Variants in RPH3A observed in about 807,000 individuals in gnomAD.
RPH3A encodes the protein rabphilin 3A.
A neutral mutation model predicts 102.2 loss-of-function variants in RPH3A; 48 were observed. That is an observed-to-expected ratio of 0.47 (90% CI 0.37 to 0.60). The LOEUF is 0.60. Among genes scored for constraint, RPH3A ranks in the 20% least tolerant of loss-of-function variants. The pLI is 0.00. For missense variants in RPH3A, 781 were observed against 910.1 expected (o/e 0.86, Z 1.83); for synonymous variants, 310 against 324.3 (o/e 0.96, Z 0.47).
At chr12:112,632,684 G>T (rs1200443825) in intron 1 of RPH3A, among the ~76,000 whole-genome samples, 4 of 152,142 alleles carry the variant, frequency 2.6e-5, no homozygotes, top group Non-Finnish European at 5.9e-5. Context: ...CTCCTTCAGG[G>T]GACATGTGGC....
intron 1 of RPH3A, among the ~76,000 whole-genome samples, chr12:112,586,548 C>T (rs911363339): frequency 6.6e-6 from 1 of 151,986 alleles, no homozygotes; most frequent in African/African-American, 2.4e-5. Context: ...AAGAGTATTA[C>T]AAGAAGACCA....
At chr12:112,694,829 A>G (rs1037023481) in intron 1 of RPH3A, among the ~76,000 whole-genome samples, 4 of 152,326 alleles carry the variant, frequency 2.6e-5, no homozygotes, top group African/African-American at 9.6e-5. Flanking sequence ...GATAATGCCA[A>G]CCCATAGGGC....
At chr12:112,619,424 T>A (rs1158639091) in intron 1 of RPH3A, among the ~76,000 whole-genome samples, 1 of 152,056 alleles carries the variant, frequency 6.6e-6, no homozygotes, top group Non-Finnish European at 1.5e-5. Flanking sequence ...TAGCTGGGAT[T>A]ACAGGCATGC....
chr12:112,653,488 T>A (rs2039990795), intron 1 of RPH3A, among the ~76,000 whole-genome samples: 1 of 151,456 alleles, frequency 6.6e-6, no homozygotes, highest in Admixed American at 6.6e-5. Context: ...GAGTGAGTGG[T>A]GAGTGAATGC....
At chr12:112,836,016 G>T (rs1029502091) in intron 3 of RPH3A, among the ~76,000 whole-genome samples, 2 of 152,216 alleles carry the variant, frequency 1.3e-5, no homozygotes, top group Non-Finnish European at 2.9e-5. Context: ...GCTTTTGGTT[G>T]CTTGCCTCAT....
chr12:112,894,671 C>T lies in RPH3A; in HGVS notation c.1857+12C>T, dbSNP rs1310956723. ...CCGAATTCAATGAGGTAAGGCTGCC[C>T]TATTCTTTTTCATGCTCTGGGATAT... On this transcript the variant is annotated intron_variant, in intron 20 of 21. Coordinates refer to ENST00000389385, the MANE Select transcript of RPH3A (RefSeq NM_001143854.2). The T allele has an allele frequency of 6.2e-7, 1 of 1,611,240 alleles. No individual in the cohort carries two copies. Among genetic ancestry groups the T allele is most frequent in the East Asian group, 2.2e-5 (1 of 44,840 alleles).
chr12:112,600,589 T>G (rs1039982796), intron 1 of RPH3A, among the ~76,000 whole-genome samples: 1 of 152,252 alleles, frequency 6.6e-6, no homozygotes, highest in African/African-American at 2.4e-5. Flanking sequence ...CACCTTGGCC[T>G]GGACTTCATT....
intron 16 of RPH3A, among the ~76,000 whole-genome samples, chr12:112,887,568 C>T (rs2043022433): frequency 6.6e-6 from 1 of 152,142 alleles, no homozygotes; most frequent in African/African-American, 2.4e-5. Context: ...TATACAAATG[C>T]AAGGGTTCAT....
chr12:112,792,013 G>T lies in RPH3A; in HGVS notation c.-140+1G>T, dbSNP rs2041127825. On this transcript the variant is annotated splice_donor_variant, in intron 1 of 21. Coordinates refer to ENST00000389385, the MANE Select transcript of RPH3A (RefSeq NM_001143854.2). LOFTEE classifies it low-confidence loss of function (5UTR_SPLICE). ...CGAGTTTTCTCCGCTTCTGGCAGTGGTATTTCTTTTTGTCTTGGTCCTGCA... is the reference window on the plus strand; with the variant it reads ...CGAGTTTTCTCCGCTTCTGGCAGTGTTATTTCTTTTTGTCTTGGTCCTGCA... 6.6e-6 allele frequency: 1 copy of T among 152,296 alleles called. No homozygotes were observed. The highest frequency in any genetic ancestry group is 1.5e-5 in the Non-Finnish European group (1 of 68,106). 9.4% of individuals were successfully genotyped at this position (152,296 alleles called of 1,614,324 possible).
At chr12:112,886,061 T>G (rs1236928322) in intron 16 of RPH3A, among the ~76,000 whole-genome samples, 3 of 152,212 alleles carry the variant, frequency 2.0e-5, no homozygotes, top group African/African-American at 7.2e-5. Flanking sequence ...TTTTCTCCAG[T>G]GTTAGACAGT....
chr12:112,709,500 T>C (rs2040445573), intron 1 of RPH3A, among the ~76,000 whole-genome samples: 1 of 150,538 alleles, frequency 6.6e-6, no homozygotes, highest in Admixed American at 6.6e-5. Flanking sequence ...AAGTGAGCCA[T>C]GCTCACGCCA....
rs978915421 is a variant in RPH3A, at chr12:112,897,840, C to T, written c.*1060C>T. ...GCATCCCTCAAGCTGTGTAGATGCC[C>T]CATAGAGGACTCTCTCATCCGTGGG... On this transcript the variant is annotated 3_prime_UTR_variant, in exon 22 of 22. Coordinates refer to ENST00000389385, the MANE Select transcript of RPH3A (RefSeq NM_001143854.2). 2.0e-5 allele frequency: 3 copies of T among 151,688 alleles called. No individual in the cohort carries two copies. Among genetic ancestry groups the T allele is most frequent in the Non-Finnish European group, 4.4e-5 (3 of 67,912 alleles). 9.4% of individuals were successfully genotyped at this position (151,688 alleles called of 1,614,324 possible). A position where few individuals can be genotyped will look rare whatever the true frequency, so the allele number is the denominator to read the frequency against.
At chr12:112,805,853 A>G (rs542769669) in intron 2 of RPH3A, among the ~76,000 whole-genome samples, 90 of 152,340 alleles carry the variant, frequency 5.9e-4, no homozygotes, top group African/African-American at 1.9e-3. Flanking sequence ...ACCATCTACT[A>G]ACATGTAAAT....
intron 2 of RPH3A, among the ~76,000 whole-genome samples, chr12:112,824,031 A>G (rs1280221976): frequency 6.6e-6 from 1 of 152,206 alleles, no homozygotes; most frequent in South Asian, 2.1e-4. Context: ...CACAAGGTCA[A>G]GTTCCCTAGA....
intron 6 of RPH3A, 32 bp downstream of exon 6, chr12:112,865,575 T>C (rs766587724): frequency 1.9e-6 from 3 of 1,604,900 alleles, no homozygotes; most frequent in Non-Finnish European, 2.6e-6. Context: ...TTCTTCCCTG[T>C]GCAGCACCTG....
At chr12:112,716,882 C>T (rs2040516906) in intron 1 of RPH3A, among the ~76,000 whole-genome samples, 2 of 152,204 alleles carry the variant, frequency 1.3e-5, no homozygotes, top group Admixed American at 6.5e-5. Flanking sequence ...GGGCATATTC[C>T]CTGTCCTGTA....
rs538392469 is a variant in RPH3A, at chr12:112,772,866, G to A, written c.-139-19277G>A. ...CAGTATACACTGCACCATATTTGTAGTCTTTTATCCCTCACCCCCTCCCAC... is the reference window on the plus strand; with the variant it reads ...CAGTATACACTGCACCATATTTGTAATCTTTTATCCCTCACCCCCTCCCAC... On this transcript the variant is annotated intron_variant, in intron 1 of 21. Coordinates refer to the RPH3A transcript ENST00000543106. Among the ~76,000 whole-genome samples, 3 of 151,976 alleles carry A rather than the reference G, an allele frequency of 2.0e-5. No individual in the cohort carries two copies. The East Asian group carries it at 5.8e-4, about 29-fold the overall frequency.
At chr12:112,886,140 G>A (rs182227343) in intron 16 of RPH3A, among the ~76,000 whole-genome samples, 2 of 152,218 alleles carry the variant, frequency 1.3e-5, no homozygotes, top group Admixed American at 1.3e-4. Context: ...AATGTTGGTG[G>A]CCAAGGAGTG....
chr12:112,681,890 A>G (rs1370056636), intron 1 of RPH3A, among the ~76,000 whole-genome samples: 2 of 152,228 alleles, frequency 1.3e-5, no homozygotes, highest in African/African-American at 4.8e-5. Flanking sequence ...CAGGATAAAT[A>G]TCGACATTTT....
Sources: gnomAD v4.1 joint callset for allele counts (sites outside exome capture counted in the v4.1 genomes callset) on GRCh38, gnomAD v4.1.1 for gene constraint, MANE v1.5 for transcripts, NCBI Gene and HGNC (gene_info 2026-07-23, HGNC 2026-07-21) for gene names.